The following PJA2 variants were observed in gnomAD, a reference collection of about 807,000 sequenced individuals.
PJA2 encodes the protein E3 ubiquitin-protein ligase Praja-2.
In PJA2, 25 loss-of-function variants were observed where a neutral mutation model predicts 69.3. The observed-to-expected ratio is 0.36, with a 90% CI of 0.26 to 0.50. The LOEUF (loss-of-function observed/expected upper bound fraction) is 0.50, where lower values mean the gene tolerates loss of function less well. PJA2 is among the 20% of genes least tolerant of loss of function. PJA2 has a pLI of 0.96. For synonymous variants in PJA2, 308 were observed against 277.8 expected, an observed-to-expected ratio of 1.11 and a Z score of -1.08; for missense variants, 809 against 830.2, an observed-to-expected ratio of 0.97 and a Z score of 0.31.
At position 109,378,367 on chromosome 5, in the gene PJA2, T is replaced by C. The variant is rs375418290; in HGVS notation, c.1120A>G (p.Met374Val). 9 of 1,614,074 alleles carry C rather than the reference T, an allele frequency of 5.6e-6. No homozygotes were observed. Among genetic ancestry groups the C allele is most frequent in the African/African-American group, 2.7e-5 (2 of 74,946 alleles). The change falls in exon 4 of 10, where the codon ATG becomes GTG. Residue 374 changes from methionine (M) to valine (V), a missense_variant. Coordinates refer to ENST00000361189, the MANE Select transcript of PJA2 (RefSeq NM_014819.5). ...CEEYDGEHDC[M>V]FLDPPYSRVI... ...CTTGAGTATGGTGGATCCAAGAACA[T>C]ACAGTCATGCTCTCCATCATATTCT...
intron 5 of PJA2, among the ~76,000 whole-genome samples, chr5:109,364,389 C>T (rs181763): frequency 0.54 from 82,426 of 151,364 alleles, 23,831 homozygotes; most frequent in Middle Eastern, 0.65. Context: ...TTTGGGAGGC[C>T]GAGGCGGGCG....
chr5:109,403,635 A>C (rs1315295439), intron 1 of PJA2, among the ~76,000 whole-genome samples: 1 of 152,136 alleles, frequency 6.6e-6, no homozygotes, highest in African/African-American at 2.4e-5. Flanking sequence ...TTAACCACAG[A>C]ATGGAAGATG....
rs1431345220 is a variant in PJA2 at position 109,353,570 on chromosome 5, TC to T, written c.1764+2344del. On this transcript the variant is annotated intron_variant, in intron 7 of 9. Coordinates refer to ENST00000361189, the MANE Select transcript of PJA2 (RefSeq NM_014819.5). ...ATCTATATATTAGATATCTATAATA[TC>T]ATAGACATCTATATATTAGATATCT... 5.6e-5 allele frequency among the ~76,000 whole-genome samples: 8 copies of T among 143,542 alleles called. No individual in the cohort carries two copies. In the South Asian group the frequency reaches 1.4e-3, roughly 24 times the overall value. 94.2% of individuals were successfully genotyped at this position (143,542 alleles called of 152,430 possible). A position where few individuals can be genotyped will look rare whatever the true frequency, so the allele number is the denominator to read the frequency against.
At chr5:109,357,465 C>T (rs1762432443) in intron 6 of PJA2, among the ~76,000 whole-genome samples, 1 of 152,178 alleles carries the variant, frequency 6.6e-6, no homozygotes, top group Admixed American at 6.5e-5. Flanking sequence ...CATATAATCA[C>T]AGATTTTGGA....
chr5:109,374,383 T>C (rs971935199), intron 4 of PJA2, among the ~76,000 whole-genome samples: 1 of 152,238 alleles, frequency 6.6e-6, no homozygotes, highest in South Asian at 2.1e-4. Flanking sequence ...GATGTTTTAT[T>C]TGTTGGGGGT....
At chr5:109,388,422 C>G (rs531186425) in intron 1 of PJA2, among the ~76,000 whole-genome samples, 12 of 152,254 alleles carry the variant, frequency 7.9e-5, no homozygotes, top group African/African-American at 2.4e-4. Flanking sequence ...AATTTCGAAC[C>G]CACTGGGACT....
chr5:109,387,490 T>A (rs1352161748), intron 1 of PJA2, among the ~76,000 whole-genome samples: 13 of 152,204 alleles, frequency 8.5e-5, no homozygotes. Context: ...TGATTAGTTG[T>A]TTCCTCCAGG....
chr5:109,341,669 C>T (rs1762064657), intron 9 of PJA2, among the ~76,000 whole-genome samples: 1 of 28,582 alleles, frequency 3.5e-5, no homozygotes, highest in South Asian at 1.1e-3. Context: ...GCCCTCCGCC[C>T]GGCCAGCCGC....
At position 109,378,894 on chromosome 5, in the gene PJA2, C is replaced by T. The variant is rs370524144; in HGVS notation, c.593G>A (p.Gly198Asp). The change falls in exon 4 of 10, where the codon GGC (glycine) becomes GAC (aspartate). Residue 198 changes from glycine (G) to aspartate (D), a missense_variant. Gly to Asp is a moderately conservative substitution (Grantham distance 94). Transcript: ENST00000361189. Reference protein sequence around the residue: ...VEGSRYQESLGNTVFELENRE... With the variant: ...VEGSRYQESLDNTVFELENRE... ...GTTTTCCAACTCAAATACTGTATTG[C>T]CTAATGATTCCTGGTATCTACTACC... 6.2e-6 allele frequency: 10 copies of T among 1,614,016 alleles called. No individual in the cohort carries two copies. In the African/African-American group the frequency reaches 1.3e-4, roughly 22 times the overall value.
At chr5:109,353,740 C>CTAGATTAGATATCTAGAGATATCTA (rs1762328706) in intron 7 of PJA2, among the ~76,000 whole-genome samples, 1 of 118,464 alleles carries the variant, frequency 8.4e-6, no homozygotes, top group African/African-American at 3.5e-5. Flanking sequence ...ATCTAGATAT[C>CTAGATTAGATATCTAGAGATATCTA]TAGATTAGAT....
intron 1 of PJA2, among the ~76,000 whole-genome samples, chr5:109,400,693 G>A (rs116461127): frequency 0.03 from 4,595 of 152,100 alleles, 89 homozygotes; most frequent in Middle Eastern, 0.048. Context: ...AAAAACGAAT[G>A]ATATGGCCGG....
chr5:109,381,243 T>C (rs116312508), intron 3 of PJA2, among the ~76,000 whole-genome samples: 2,932 of 152,310 alleles, frequency 0.019, 88 homozygotes, highest in African/African-American at 0.066. Flanking sequence ...TTCCTTTGGC[T>C]GGAGGTTATG....
intron 9 of PJA2, among the ~76,000 whole-genome samples, chr5:109,343,273 C>CAAAAAAAAAAAAA: frequency 5.2e-5 from 1 of 19,388 alleles, no homozygotes; most frequent in African/African-American, 3.4e-4. Context: ...AAGGGCGGTG[C>CAAAAAAAAAAAAA]AAAAAAAAAA....
At chr5:109,384,997 A>G (rs1473362861) in intron 1 of PJA2, among the ~76,000 whole-genome samples, 1 of 152,078 alleles carries the variant, frequency 6.6e-6, no homozygotes, top group Non-Finnish European at 1.5e-5. Flanking sequence ...TTGTATTTTT[A>G]GTAGAGACAG....
chr5:109,400,152 T>C (rs1582631197), intron 1 of PJA2, among the ~76,000 whole-genome samples: 2 of 151,674 alleles, frequency 1.3e-5, no homozygotes, highest in Admixed American at 1.3e-4. Flanking sequence ...TAGTGAGACG[T>C]GGTGGTGCAC....
chr5:109,389,102 C>T (rs898127598), intron 1 of PJA2, among the ~76,000 whole-genome samples: 8 of 152,112 alleles, frequency 5.3e-5, no homozygotes, highest in African/African-American at 1.9e-4. Context: ...GAAATATTGG[C>T]TTAAAATAGT....
At chr5:109,404,249 G>A (rs995475487) in intron 1 of PJA2, among the ~76,000 whole-genome samples, 77 of 151,482 alleles carry the variant, frequency 5.1e-4, no homozygotes, top group Admixed American at 1.1e-3. Flanking sequence ...GGCTGGGCGC[G>A]GTGGCTCACA....
Position 109,353,503 on chromosome 5 carries a change from TC to T in PJA2, c.1764+2411del, listed in dbSNP as rs1460404406. ...TCTAATATATTAGATATCTATAATA[TC>T]TATAGATATCTATATATTAGATATC... On this transcript the variant is annotated intron_variant, in intron 7 of 9. Transcript: ENST00000361189. Among the ~76,000 whole-genome samples, 286 of 94,196 alleles carry T rather than the reference TC, an allele frequency of 3.0e-3. 3 individuals carry two copies. Among genetic ancestry groups the T allele is most frequent in the Non-Finnish European group, 5.2e-3 (201 of 38,362 alleles). The allele number at this position is 94,196 out of a possible 152,430, so 61.8% of individuals were successfully genotyped here. A position where few individuals can be genotyped will look rare whatever the true frequency, so the allele number is the denominator to read the frequency against.
intron 1 of PJA2, among the ~76,000 whole-genome samples, chr5:109,406,452 CA>C (rs1261551238): frequency 6.6e-6 from 1 of 152,140 alleles, no homozygotes. Flanking sequence ...CTGGTAAATG[CA>C]AATCAAAATC....
Sources: gnomAD v4.1 joint callset for allele counts (sites outside exome capture counted in the v4.1 genomes callset) on GRCh38, gnomAD v4.1.1 for gene constraint, MANE v1.5 for transcripts, NCBI Gene and HGNC (gene_info 2026-07-23, HGNC 2026-07-21) for gene names.